The following LEKR1 variants were observed in gnomAD, a reference collection of about 807,000 sequenced individuals.
LEKR1 encodes leucine, glutamate and lysine rich 1, also known as protein LEKR1.
Under a neutral mutation model 72.4 loss-of-function variants are expected in LEKR1, and 59 were observed. That is an observed-to-expected ratio of 0.82 (90% CI 0.66 to 1.01). The LOEUF is 1.01. Among genes scored for constraint, LEKR1 ranks in the 50% least tolerant of loss-of-function variants. LEKR1 has a pLI of 0.00. For synonymous variants in LEKR1, 257 were observed against 263.2 expected, an observed-to-expected ratio of 0.98 and a Z score of 0.23; for missense variants, 728 against 759.2, an observed-to-expected ratio of 0.96 and a Z score of 0.48.
At chr3:156,955,181 A>T (rs1727512094) in intron 6 of LEKR1, among the ~76,000 whole-genome samples, 1 of 151,508 alleles carries the variant, frequency 6.6e-6, no homozygotes, top group South Asian at 2.1e-4. Flanking sequence ...GATGTATAGG[A>T]ATGTTTTTGC....
intron 3 of LEKR1, among the ~76,000 whole-genome samples, chr3:156,878,891 C>G (rs993653685): frequency 6.6e-6 from 1 of 152,174 alleles, no homozygotes; most frequent in African/African-American, 2.4e-5. Flanking sequence ...AACCCTTTCA[C>G]TTGGCTCTCA....
intron 11 of LEKR1, among the ~76,000 whole-genome samples, chr3:157,026,479 A>T (rs1451838585): frequency 6.6e-6 from 1 of 152,230 alleles, no homozygotes; most frequent in African/African-American, 2.4e-5. Flanking sequence ...TCTCCCAAAG[A>T]TACTTTCAGT....
At chr3:157,043,374 T>C (rs1263704140) in intron 12 of LEKR1, among the ~76,000 whole-genome samples, 1 of 152,052 alleles carries the variant, frequency 6.6e-6, no homozygotes, top group Non-Finnish European at 1.5e-5. Flanking sequence ...GGATTGGGTC[T>C]TCCCCCCACT....
chr3:157,029,890 A>G (rs1734479029), intron 12 of LEKR1, among the ~76,000 whole-genome samples: 1 of 152,230 alleles, frequency 6.6e-6, no homozygotes, highest in Non-Finnish European at 1.5e-5. Context: ...GAAAATGAGG[A>G]GTAACTTATA....
At chr3:156,950,698 T>G (rs1233450625) in intron 6 of LEKR1, among the ~76,000 whole-genome samples, 1 of 151,618 alleles carries the variant, frequency 6.6e-6, no homozygotes, top group African/African-American at 2.4e-5. Context: ...GGAATGCTAG[T>G]GATTGTACAT....
intron 12 of LEKR1, among the ~76,000 whole-genome samples, chr3:157,037,376 A>G (rs981170931): frequency 1.3e-5 from 2 of 152,198 alleles, no homozygotes; most frequent in African/African-American, 2.4e-5. Flanking sequence ...GGAATAAAGT[A>G]TAAAAAGGAC....
intron 3 of LEKR1, among the ~76,000 whole-genome samples, chr3:156,862,189 C>T (rs977357407): frequency 3.3e-5 from 5 of 151,996 alleles, no homozygotes; most frequent in African/African-American, 7.2e-5. Context: ...AAATAAGGTA[C>T]ATTTTTTTTC....
intron 12 of LEKR1, among the ~76,000 whole-genome samples, chr3:157,039,182 G>A (rs547287307): frequency 3.9e-5 from 6 of 152,198 alleles, no homozygotes; most frequent in Non-Finnish European, 7.3e-5. Context: ...AGAAGTGTAG[G>A]AAGAGATAGA....
chr3:156,852,168 A>T (rs1017473656), intron 2 of LEKR1: 1 of 152,196 alleles, frequency 6.6e-6, no homozygotes, highest in African/African-American at 2.4e-5. Context: ...CAGTTTTTTA[A>T]AAAAAGTCTG....
intron 3 of LEKR1, among the ~76,000 whole-genome samples, chr3:156,890,042 A>C (rs2108556732): frequency 6.6e-6 from 1 of 152,306 alleles, no homozygotes; most frequent in East Asian, 1.9e-4. Flanking sequence ...TGATGTTGAG[A>C]TGGATCTACC....
At chr3:156,917,422 T>C (rs1723758941) in intron 3 of LEKR1, among the ~76,000 whole-genome samples, 1 of 151,976 alleles carries the variant, frequency 6.6e-6, no homozygotes, top group South Asian at 2.1e-4. Flanking sequence ...AAGATTAACA[T>C]GATGATACAT....
rs551676404 is a variant in LEKR1, at chr3:156,883,114, G to T, written c.263+30132G>T. ...ACATGTATACATATGTAACTAACCTGCACATTGTGCACATGTACCCTAAAA... is the reference window on the plus strand; with the variant it reads ...ACATGTATACATATGTAACTAACCTTCACATTGTGCACATGTACCCTAAAA... On this transcript the variant is annotated intron_variant, in intron 3 of 12. Coordinates refer to ENST00000356539, the MANE Select transcript of LEKR1 (RefSeq NM_001004316.3). Among the ~76,000 whole-genome samples, 35 of 151,902 alleles carry T rather than the reference G, an allele frequency of 2.3e-4. No individual in the cohort carries two copies. In the South Asian group the frequency reaches 7.3e-3, roughly 32 times the overall value.
chr3:156,998,606 G>T (rs1731767318), intron 9 of LEKR1, among the ~76,000 whole-genome samples: 1 of 152,118 alleles, frequency 6.6e-6, no homozygotes, highest in South Asian at 2.1e-4. Flanking sequence ...ATTAAAGTTA[G>T]GTGCAAGTTG....
intron 4 of LEKR1, 126 bp downstream of exon 4, chr3:156,920,820 C>A: frequency 1.8e-6 from 1 of 551,908 alleles, no homozygotes; most frequent in Non-Finnish European, 3.0e-6. Flanking sequence ...AGTGAAACAG[C>A]ATTAGGTTTT....
intron 12 of LEKR1, among the ~76,000 whole-genome samples, chr3:157,040,842 G>A (rs367623450): frequency 7.9e-5 from 12 of 152,140 alleles, no homozygotes; most frequent in East Asian, 3.9e-4. Context: ...CCAAAATTGT[G>A]CCAAATACAG....
At chr3:156,943,303 A>G (rs1054478378) in intron 6 of LEKR1, among the ~76,000 whole-genome samples, 10 of 152,006 alleles carry the variant, frequency 6.6e-5, no homozygotes, top group Admixed American at 6.6e-4. Flanking sequence ...ACTGGAGTCA[A>G]GTAGCCATTT....
chr3:156,997,442 C>G (rs527447281), intron 9 of LEKR1, among the ~76,000 whole-genome samples: 2 of 152,336 alleles, frequency 1.3e-5, no homozygotes, highest in African/African-American at 4.8e-5. Context: ...TCAGGAAACA[C>G]TTTTAATATA....
In LEKR1 at chr3:157,045,675, G is replaced by A. The variant is rs751589398; in HGVS notation, c.2004G>A (p.Arg668=). 6 of 1,613,916 alleles carry A rather than the reference G, an allele frequency of 3.7e-6. No homozygotes were observed. Among genetic ancestry groups the A allele is most frequent in the Non-Finnish European group, 5.1e-6 (6 of 1,180,008 alleles). The stretch of plus-strand genomic sequence containing the variant: ...TTCTCCCCCAGCCACATCCTCCCAG[G>A]GGTGGAGCATCTTCAGCAAATGAGA... ...VPILPQPHPP[R]GGASSANETR... is the part of the protein sequence containing the mutation. Residue 668 remains arginine (R), a synonymous_variant, in exon 13 of 13, where the codon AGG becomes AGA. Transcript: ENST00000356539.
chr3:156,934,080 T>C (rs1725486593), intron 5 of LEKR1, among the ~76,000 whole-genome samples: 1 of 152,254 alleles, frequency 6.6e-6, no homozygotes, highest in South Asian at 2.1e-4. Flanking sequence ...CTGACTGCTC[T>C]AGTTAAAGTT....
Sources: gnomAD v4.1 joint callset for allele counts (sites outside exome capture counted in the v4.1 genomes callset) on GRCh38, gnomAD v4.1.1 for gene constraint, MANE v1.5 for transcripts, NCBI Gene and HGNC (gene_info 2026-07-23, HGNC 2026-07-21) for gene names.